The following ZDHHC2 variants were observed in gnomAD, a reference collection of about 807,000 sequenced individuals.
ZDHHC2 encodes the protein zDHHC palmitoyltransferase 2.
Under a neutral mutation model 55.6 loss-of-function variants are expected in ZDHHC2, and 51 were observed. The observed-to-expected ratio is 0.92, with a 90% CI of 0.73 to 1.16. The LOEUF (loss-of-function observed/expected upper bound fraction) is 1.16, where lower values mean the gene tolerates loss of function less well. ZDHHC2 is among the 50% of genes most tolerant of loss of function. ZDHHC2 has a pLI of 0.00. For synonymous variants in ZDHHC2, 199 were observed against 152.9 expected (o/e 1.30, Z -2.22); for missense variants, 491 against 442.4 (o/e 1.11, Z -0.99).
At chr8:17,214,589 G>T (rs145737555) in intron 10 of ZDHHC2, among the ~76,000 whole-genome samples, 1 of 151,936 alleles carries the variant, frequency 6.6e-6, no homozygotes, top group South Asian at 2.1e-4. Flanking sequence ...TGAGAAACTC[G>T]CGTAACTTTC....
chr8:17,202,790 A>G (rs1262759479), intron 6 of ZDHHC2, among the ~76,000 whole-genome samples: 1 of 151,562 alleles, frequency 6.6e-6, no homozygotes, highest in Non-Finnish European at 1.5e-5. Flanking sequence ...CACATACTCT[A>G]TGTATATACA....
intron 1 of ZDHHC2, among the ~76,000 whole-genome samples, chr8:17,176,441 G>A (rs1805136831): frequency 6.6e-6 from 1 of 152,116 alleles, no homozygotes; most frequent in African/African-American, 2.4e-5. Context: ...TTTGCCTTAG[G>A]TCTTCAAAAG....
intron 10 of ZDHHC2, among the ~76,000 whole-genome samples, chr8:17,211,780 G>A (rs1273357563): frequency 6.6e-6 from 1 of 152,036 alleles, no homozygotes; most frequent in African/African-American, 2.4e-5. Flanking sequence ...GGACATTCAT[G>A]GGCATCAGAG....
chr8:17,178,291 C>A (rs920858665), intron 1 of ZDHHC2, among the ~76,000 whole-genome samples: 3 of 152,068 alleles, frequency 2.0e-5, no homozygotes, highest in African/African-American at 7.2e-5. Flanking sequence ...GTGGAATAAC[C>A]GTTGAGATGA....
At chr8:17,201,723 C>G (rs1806784620) in intron 6 of ZDHHC2, among the ~76,000 whole-genome samples, 1 of 149,912 alleles carries the variant, frequency 6.7e-6, no homozygotes, top group Non-Finnish European at 1.5e-5. Flanking sequence ...GTCTCGATCT[C>G]CTGACCTTGT....
Position 17,163,552 on chromosome 8 carries a change from T to C in ZDHHC2, c.130+6699T>C, listed in dbSNP as rs150511930. Among the ~76,000 whole-genome samples the C allele has an allele frequency of 2.4e-3, 362 of 152,338 alleles. 4 individuals carry two copies. Among genetic ancestry groups the C allele is most frequent in the African/African-American group, 8.3e-3 (345 of 41,560 alleles). On this transcript the variant is annotated intron_variant, in intron 1 of 12. Coordinates refer to ENST00000262096, the MANE Select transcript of ZDHHC2 (RefSeq NM_016353.5). Reference sequence around the variant, plus strand: ...GATGGAGAATTTGTGATTTTCCTTCTCAGAAAAATAGAGCTATACTTACAT... The same window carrying C: ...GATGGAGAATTTGTGATTTTCCTTCCCAGAAAAATAGAGCTATACTTACAT...
intron 8 of ZDHHC2, 109 bp downstream of exon 8, chr8:17,208,201 T>G: frequency 8.9e-7 from 1 of 1,126,710 alleles, no homozygotes; most frequent in South Asian, 2.1e-5. Flanking sequence ...GTGGGAAAAG[T>G]CATTCTTATT....
chr8:17,199,569 T>TCCTCCCTCCTCCCTC (rs1806581407), intron 6 of ZDHHC2, among the ~76,000 whole-genome samples: 2 of 84,922 alleles, frequency 2.4e-5, no homozygotes, highest in East Asian at 2.7e-4. Context: ...GTCTTCTTCG[T>TCCTCCCTCCTCCCTC]CTTTGTCTTC....
chr8:17,203,063 C>T (rs558830667), intron 6 of ZDHHC2, among the ~76,000 whole-genome samples: 65 of 126,816 alleles, frequency 5.1e-4, no homozygotes, highest in Non-Finnish European at 6.6e-4. Context: ...TGTCCAAAGT[C>T]TTTTTTTTTT....
Position 17,199,604 on chromosome 8 carries a change from T to TC in ZDHHC2, c.476+1192dup, listed in dbSNP as rs1554466206. 8.0e-4 allele frequency among the ~76,000 whole-genome samples: 36 copies of TC among 44,734 alleles called. 2 individuals carry two copies. Among genetic ancestry groups the TC allele is most frequent in the East Asian group, 6.3e-3 (14 of 2,230 alleles). 29.3% of individuals were successfully genotyped at this position (44,734 alleles called of 152,430 possible). ...CTTCTTCTTCTTTCTTCTTCTTTAT[T>TC]CTTTCTTCTTCTTCTTCTTCCTTTC... On this transcript the variant is annotated intron_variant, in intron 6 of 12. Transcript: ENST00000262096.
rs955270500 is a variant in ZDHHC2 at position 17,224,593 on chromosome 8, A to G, written c.*4372A>G. The G allele has an allele frequency of 2.6e-5, 4 of 151,534 alleles. No individual in the cohort carries two copies. The highest frequency in any genetic ancestry group is 9.7e-5 in the African/African-American group (4 of 41,296). 9.4% of individuals were successfully genotyped at this position (151,534 alleles called of 1,614,324 possible). A position where few individuals can be genotyped will look rare whatever the true frequency, so the allele number is the denominator to read the frequency against. On this transcript the variant is annotated 3_prime_UTR_variant, in exon 13 of 13. Transcript: ENST00000262096. Reference sequence around the variant, plus strand: ...TTTGATTGATAAAGGTGCTTAATCAATTGAAAAAAAAACGCATAATGCTTC... The same window carrying G: ...TTTGATTGATAAAGGTGCTTAATCAGTTGAAAAAAAAACGCATAATGCTTC...
chr8:17,187,374 C>G (rs973961181), intron 3 of ZDHHC2, among the ~76,000 whole-genome samples: 1 of 151,850 alleles, frequency 6.6e-6, no homozygotes. Context: ...ATATACTTTG[C>G]TAACTCTAAT....
chr8:17,156,918 C>A lies in ZDHHC2; in HGVS notation c.130+65C>A. Reference sequence around the variant, plus strand: ...AGCCCACCCCGACTGTCCCGGGACGCTCAGCCGCTCCTCCGCTCTCGCCCC... The same window carrying A: ...AGCCCACCCCGACTGTCCCGGGACGATCAGCCGCTCCTCCGCTCTCGCCCC... On this transcript the variant is annotated intron_variant, in intron 1 of 12. Transcript: ENST00000262096. 2.1e-6 allele frequency: 3 copies of A among 1,398,788 alleles called. No homozygotes were observed. The South Asian group carries it at 4.3e-5, about 20-fold the overall frequency. 86.6% of individuals were successfully genotyped at this position (1,398,788 alleles called of 1,614,324 possible).
At chr8:17,167,115 C>A (rs1266402153) in intron 1 of ZDHHC2, among the ~76,000 whole-genome samples, 1 of 152,052 alleles carries the variant, frequency 6.6e-6, no homozygotes. Flanking sequence ...ACATTTGGGA[C>A]ATATGTTTCT....
intron 1 of ZDHHC2, among the ~76,000 whole-genome samples, chr8:17,172,124 G>T (rs536464127): frequency 6.6e-6 from 1 of 152,114 alleles, no homozygotes; most frequent in East Asian, 1.9e-4. Flanking sequence ...CCTGCACCTG[G>T]AACTGTTTAC....
intron 1 of ZDHHC2, among the ~76,000 whole-genome samples, chr8:17,166,961 G>A (rs142715908): frequency 3.3e-5 from 5 of 152,268 alleles, no homozygotes; most frequent in African/African-American, 1.2e-4. Context: ...TTCAATCCAA[G>A]TTAAAAAGGC....
chr8:17,171,469 CA>C (rs2150888953), intron 1 of ZDHHC2, among the ~76,000 whole-genome samples: 1 of 152,236 alleles, frequency 6.6e-6, no homozygotes, highest in African/African-American at 2.4e-5. Flanking sequence ...ATGAAAGTGG[CA>C]GTGAGTTTTT....
In ZDHHC2 at chr8:17,186,346, C is replaced by T. The variant is rs1805709646; in HGVS notation, c.173C>T (p.Ala58Val). Residue 58 changes from alanine (A) to valine (V), a missense_variant, in exon 3 of 13, where the codon GCC becomes GTC. Ala to Val is a moderately conservative substitution (Grantham distance 64). Coordinates refer to ENST00000262096, the MANE Select transcript of ZDHHC2 (RefSeq NM_016353.5). ...CTCATTTTAGTTGTGTGCCTGATGG[C>T]CTATCATCTACTTTTTGCAATGTTT... Reference protein sequence around the residue: ...NTGEQVVCLMAYHLLFAMFVW... With the variant: ...NTGEQVVCLMVYHLLFAMFVW... 1 of 1,593,408 alleles carries T rather than the reference C, an allele frequency of 6.3e-7. No homozygotes were observed. The highest frequency in any genetic ancestry group is 8.5e-7 in the Non-Finnish European group (1 of 1,171,336).
intron 9 of ZDHHC2, 47 bp downstream of exon 9, chr8:17,210,105 A>G (rs979140181): frequency 1.6e-5 from 24 of 1,547,234 alleles, no homozygotes; most frequent in Non-Finnish European, 1.8e-5. Context: ...TGAAAATAAT[A>G]CAGCAAAAGA....
Sources: gnomAD v4.1 joint callset for allele counts (sites outside exome capture counted in the v4.1 genomes callset) on GRCh38, gnomAD v4.1.1 for gene constraint, MANE v1.5 for transcripts, NCBI Gene and HGNC (gene_info 2026-07-23, HGNC 2026-07-21) for gene names.